Variants in MMP26 observed in about 807,000 individuals in gnomAD.
The protein encoded by MMP26 is matrix metallopeptidase 26.
In MMP26, 33 loss-of-function variants were observed where a neutral mutation model predicts 31.0. The ratio of observed to expected loss-of-function variants is 1.06; its 90% CI spans 0.81 to 1.42. The LOEUF is 1.42. MMP26 is among the 40% of genes most tolerant of loss of function. The pLI, the probability that MMP26 is intolerant of heterozygous loss-of-function variation, is 0.00. For synonymous variants in MMP26, 122 were observed against 114.9 expected (o/e 1.06, Z -0.40); for missense variants, 347 against 316.1 (o/e 1.10, Z -0.74).
intron 2 of MMP26, among the ~76,000 whole-genome samples, chr11:4,938,838 G>A (rs1846167439): frequency 6.6e-6 from 1 of 151,448 alleles, no homozygotes; most frequent in African/African-American, 2.4e-5. Flanking sequence ...ATGATCTTAG[G>A]GTTTAAAAAT....
chr11:4,915,650 G>A (rs150566249), intron 2 of MMP26: 2 of 1,612,062 alleles, frequency 1.2e-6, no homozygotes, highest in Non-Finnish European at 8.5e-7. Context: ...GTTTCCCAGG[G>A]ATCCCAGGGT....
At chr11:4,977,951 C>T (rs1846760114) in intron 2 of MMP26, among the ~76,000 whole-genome samples, 1 of 152,004 alleles carries the variant, frequency 6.6e-6, no homozygotes, top group Non-Finnish European at 1.5e-5. Context: ...TCCAGGTGTC[C>T]AGGTGTCCAG....
intron 2 of MMP26, among the ~76,000 whole-genome samples, chr11:4,894,718 G>A (rs959642083): frequency 5.3e-5 from 8 of 152,116 alleles, no homozygotes; most frequent in African/African-American, 1.9e-4. Context: ...AGGTAAAGAA[G>A]GTAAGAGACA....
chr11:4,833,846 G>T (rs1589914931), intron 2 of MMP26, among the ~76,000 whole-genome samples: 1 of 152,130 alleles, frequency 6.6e-6, no homozygotes, highest in Non-Finnish European at 1.5e-5. Flanking sequence ...CTGAAACTTT[G>T]GTGCTCAATG....
rs1436727507 is a variant in MMP26 at position 4,882,114 on chromosome 11, A to G, written c.-144-105954A>G. The G allele has an allele frequency of 6.2e-7, 1 of 1,613,860 alleles. No individual in the cohort carries two copies. The highest frequency in any genetic ancestry group is 1.3e-5 in the African/African-American group (1 of 74,984). ...TTCCTCTCCATGCTGGCAGCTGTTG[A>G]TCTATGTCTGACCATTACGACCCTT... On this transcript the variant is annotated intron_variant, in intron 2 of 7. Transcript: ENST00000380390.
chr11:4,845,298 G>A (rs1336925197), intron 2 of MMP26, among the ~76,000 whole-genome samples: 1 of 152,098 alleles, frequency 6.6e-6, no homozygotes, highest in African/African-American at 2.4e-5. Context: ...TTCATGGACT[G>A]AAAGAATAAA....
intron 1 of MMP26, chr11:4,723,644 C>T: frequency 1.1e-6 from 1 of 870,980 alleles, no homozygotes; most frequent in African/African-American, 1.6e-5. Context: ...TTGATCTCAT[C>T]CTCATACTTG....
At chr11:4,855,949 A>C (rs11517935) in intron 2 of MMP26, among the ~76,000 whole-genome samples, 51,903 of 151,582 alleles carry the variant, frequency 0.34, 9,434 homozygotes, top group Non-Finnish European at 0.41. Flanking sequence ...TTTTCAACCC[A>C]GAATTTCATA....
At chr11:4,905,901 A>T (rs1363319430) in intron 2 of MMP26, among the ~76,000 whole-genome samples, 2 of 152,202 alleles carry the variant, frequency 1.3e-5, no homozygotes, top group Admixed American at 6.5e-5. Flanking sequence ...TTTATTATGT[A>T]GGCAAAATTT....
At chr11:4,705,384 G>C (rs1847761691) in intron 1 of MMP26, among the ~76,000 whole-genome samples, 1 of 152,180 alleles carries the variant, frequency 6.6e-6, no homozygotes. Context: ...TGAGAACGTC[G>C]TATGTTTCCT....
At position 4,809,073 on chromosome 11, in the gene MMP26, G is replaced by T. The variant is rs192875224; in HGVS notation, c.-145+41732G>T. Among the ~76,000 whole-genome samples the T allele has an allele frequency of 2.0e-5, 3 of 152,016 alleles. No homozygotes were observed. In the East Asian group the frequency reaches 5.8e-4, roughly 29 times the overall value. ...GCACAGGTTGTCAGCTTGCTGCTGT[G>T]TTGAGAAATGGAATGTACATTCTCT... is the stretch of plus-strand genomic sequence containing the variant. On this transcript the variant is annotated intron_variant, in intron 2 of 7. Coordinates refer to ENST00000380390, the MANE Select transcript of MMP26 (RefSeq NM_021801.5).
At chr11:4,758,382 C>T (rs1236975259) in intron 1 of MMP26, among the ~76,000 whole-genome samples, 7 of 145,146 alleles carry the variant, frequency 4.8e-5, no homozygotes, top group Non-Finnish European at 1.0e-4. Flanking sequence ...CATTGAGTTA[C>T]GTATAAAGGT....
At chr11:4,780,959 G>A (rs1374164060) in intron 2 of MMP26, among the ~76,000 whole-genome samples, 1 of 151,722 alleles carries the variant, frequency 6.6e-6, no homozygotes, top group African/African-American at 2.4e-5. Context: ...ATAATACTCA[G>A]CAATAAAACT....
chr11:4,755,184 T>C (rs1848491029), intron 1 of MMP26, among the ~76,000 whole-genome samples: 1 of 151,592 alleles, frequency 6.6e-6, no homozygotes, highest in Admixed American at 6.6e-5. Context: ...ATCGGCACTA[T>C]CTGAAAGAGT....
chr11:4,755,460 T>C (rs1348269179), intron 1 of MMP26, among the ~76,000 whole-genome samples: 1 of 152,016 alleles, frequency 6.6e-6, no homozygotes, highest in African/African-American at 2.4e-5. Context: ...TTTATTTTTA[T>C]AGGATGCTTA....
intron 2 of MMP26, among the ~76,000 whole-genome samples, chr11:4,780,932 A>T (rs1848850315): frequency 6.6e-6 from 1 of 151,978 alleles, no homozygotes; most frequent in Non-Finnish European, 1.5e-5. Context: ...TAATTACATA[A>T]CTATATATGC....
intron 2 of MMP26, chr11:4,821,773 C>T (rs1849506156): frequency 1.2e-6 from 2 of 1,613,646 alleles, no homozygotes; most frequent in Non-Finnish European, 1.7e-6. Flanking sequence ...TGGGGTTCTA[C>T]TGGCCATGGC....
chr11:4,989,625 T>C, intron 3 of MMP26, 23 bp from the exon 4 acceptor site: 1 of 1,590,184 alleles, frequency 6.3e-7, no homozygotes. Flanking sequence ...CTCTTAGTAC[T>C]CATCCTTCTT....
intron 2 of MMP26, among the ~76,000 whole-genome samples, chr11:4,927,130 G>A (rs1316814776): frequency 1.3e-5 from 2 of 152,100 alleles, no homozygotes; most frequent in East Asian, 1.9e-4. Flanking sequence ...GAGGTGGGCC[G>A]GGCAATGATC....
Sources: allele counts gnomAD v4.1 joint callset (sites outside exome capture counted in the v4.1 genomes callset), GRCh38; gene constraint gnomAD v4.1.1; transcripts MANE v1.5; gene names NCBI Gene and HGNC (gene_info 2026-07-23, HGNC 2026-07-21).